COL14A1: variants seen among roughly 807,000 people sequenced by gnomAD.
The protein encoded by COL14A1 is collagen alpha-1(XIV) chain.
Under a neutral mutation model 230.3 loss-of-function variants are expected in COL14A1, and 136 were observed. That is an observed-to-expected ratio of 0.59 (90% CI 0.51 to 0.68). The LOEUF (loss-of-function observed/expected upper bound fraction) is 0.68. COL14A1 is among the 30% of genes least tolerant of loss of function. The pLI is 0.00. For synonymous variants in COL14A1, 792 were observed against 784.1 expected (o/e 1.01, Z -0.17); for missense variants, 1,976 against 2,215.8 (o/e 0.89, Z 2.17).
chr8:120,340,915 T>C (rs1822271563), intron 42 of COL14A1, among the ~76,000 whole-genome samples: 1 of 152,200 alleles, frequency 6.6e-6, no homozygotes. Context: ...GATATTCCTT[T>C]AAAAACTGAA....
rs534835229 is a variant in COL14A1 at position 120,170,264 on chromosome 8, A to G, written c.436+2017A>G. The stretch of plus-strand genomic sequence containing the variant: ...TTGAGTGTTTATCCCTTAATTTTTA[A>G]TTTTTCTTTTCTATTATATGCATTT... On this transcript the variant is annotated intron_variant, in intron 5 of 47. Coordinates refer to ENST00000297848, the MANE Select transcript of COL14A1 (RefSeq NM_021110.4). Among the ~76,000 whole-genome samples, 144 of 151,266 alleles carry G rather than the reference A, an allele frequency of 9.5e-4. 1 individual carries two copies. The highest frequency in any genetic ancestry group is 2.6e-3 in the Admixed American group (40 of 15,208).
chr8:120,286,628 G>C (rs186425512), intron 33 of COL14A1, among the ~76,000 whole-genome samples: 3 of 152,196 alleles, frequency 2.0e-5, no homozygotes, highest in Admixed American at 2.0e-4. Context: ...TCCTGCCTCA[G>C]CCTCCCGAGG....
rs12549939 is a variant in COL14A1, at chr8:120,188,408, C to A, written c.437-8383C>A. 9.0e-4 allele frequency among the ~76,000 whole-genome samples: 137 copies of A among 152,292 alleles called. 1 individual carries two copies. Among genetic ancestry groups the A allele is most frequent in the Admixed American group, 8.3e-3 (127 of 15,292 alleles). On this transcript the variant is annotated intron_variant, in intron 5 of 47. Coordinates refer to ENST00000297848, the MANE Select transcript of COL14A1 (RefSeq NM_021110.4). Reference sequence around the variant, plus strand: ...TAACATTTAATATAATAATGTACATCATTTCCAAATATGAAATGTTAAGAA... The same window carrying A: ...TAACATTTAATATAATAATGTACATAATTTCCAAATATGAAATGTTAAGAA...
At chr8:120,202,001 G>A (rs761026894) in intron 8 of COL14A1, among the ~76,000 whole-genome samples, 1 of 152,060 alleles carries the variant, frequency 6.6e-6, no homozygotes, top group Non-Finnish European at 1.5e-5. Context: ...AGCATTATTG[G>A]CACTGCTTCA....
chr8:120,203,010 ATATATATATATT>A (rs1817304251), intron 8 of COL14A1, among the ~76,000 whole-genome samples: 1 of 117,672 alleles, frequency 8.5e-6, no homozygotes, highest in Admixed American at 9.4e-5. Context: ...ATATATATAT[ATATATATATATT>A]TGTTCTAGCA....
intron 5 of COL14A1, among the ~76,000 whole-genome samples, chr8:120,183,062 C>A (rs1270857985): frequency 6.6e-6 from 1 of 152,002 alleles, no homozygotes; most frequent in East Asian, 1.9e-4. Context: ...ATAAAAGGAT[C>A]ACATATTTTC....
At chr8:120,224,022 C>CT (rs1563681445) in intron 14 of COL14A1, among the ~76,000 whole-genome samples, 32 of 48,614 alleles carry the variant, frequency 6.6e-4, no homozygotes, top group African/African-American at 2.4e-3. Context: ...GCCCTCATCT[C>CT]CTTTTTTTTT....
At chr8:120,168,914 G>T (rs748607731) in intron 5 of COL14A1, among the ~76,000 whole-genome samples, 2 of 152,084 alleles carry the variant, frequency 1.3e-5, no homozygotes, top group African/African-American at 2.4e-5. Flanking sequence ...AGAATTTAGT[G>T]TCACAATCTC....
chr8:120,291,983 A>G (rs1398884376), intron 34 of COL14A1, among the ~76,000 whole-genome samples: 2 of 152,194 alleles, frequency 1.3e-5, no homozygotes, highest in Non-Finnish European at 2.9e-5. Context: ...TTTGATAGAA[A>G]TTAAATAGAA....
chr8:120,153,404 C>G (rs973111909), intron 2 of COL14A1, among the ~76,000 whole-genome samples: 4 of 152,162 alleles, frequency 2.6e-5, no homozygotes. Context: ...AGGCTGGTCT[C>G]AAACTCCTGG....
chr8:120,243,831 G>T (rs1563692385), intron 19 of COL14A1, 48 bp from the exon 20 acceptor site: 2 of 1,599,530 alleles, frequency 1.3e-6, no homozygotes, highest in Non-Finnish European at 1.7e-6. Flanking sequence ...TACCAAATCA[G>T]TGGAAACGGG....
At position 120,262,921 on chromosome 8, in the gene COL14A1, T is replaced by C; in HGVS notation, c.2923T>C (p.Tyr975His). ...TGGAGGGACAACCAGGCATTGCTTC[T>C]ATGGACTTCAGCCTGATTCTGAATA... ...VGGGTTRHCFYGLQPDSEYKI... is the reference protein window; with the variant it reads ...VGGGTTRHCFHGLQPDSEYKI... The change falls in exon 24 of 48, where the codon TAT becomes CAT. Residue 975 changes from tyrosine to histidine, a missense_variant. By Grantham distance (83) the Tyr-to-His change is moderately conservative. Coordinates refer to ENST00000297848, the MANE Select transcript of COL14A1 (RefSeq NM_021110.4). 6.2e-7 allele frequency: 1 copy of C among 1,613,796 alleles called. No individual in the cohort carries two copies. The highest frequency in any genetic ancestry group is 8.5e-7 in the Non-Finnish European group (1 of 1,179,870).
At chr8:120,370,721 T>A in intron 47 of COL14A1, 1 of 1,400,502 alleles carries the variant, frequency 7.1e-7, no homozygotes, top group Non-Finnish European at 9.5e-7. Context: ...TCTTCCTCCT[T>A]CCTCTCCCCA....
At chr8:120,207,405 C>G (rs542473618) in intron 10 of COL14A1, among the ~76,000 whole-genome samples, 1 of 123,836 alleles carries the variant, frequency 8.1e-6, no homozygotes, top group Non-Finnish European at 1.6e-5. Context: ...GGCCAGGACC[C>G]CTTTTGCTAT....
intron 1 of COL14A1, among the ~76,000 whole-genome samples, chr8:120,130,734 A>G (rs1290338804): frequency 1.3e-5 from 2 of 152,148 alleles, no homozygotes; most frequent in Non-Finnish European, 2.9e-5. Flanking sequence ...TCCAACTTTT[A>G]TTTTAAGTTT....
chr8:120,200,715 TTATATATATA>T (rs34177030), intron 8 of COL14A1, among the ~76,000 whole-genome samples: 1,063 of 85,490 alleles, frequency 0.012, 13 homozygotes, highest in South Asian at 0.023. Context: ...GTTTTCCTAT[TTATATATATA>T]TATATATATA....
intron 1 of COL14A1, among the ~76,000 whole-genome samples, chr8:120,126,752 T>G (rs932657563): frequency 6.6e-6 from 1 of 152,166 alleles, no homozygotes; most frequent in Non-Finnish European, 1.5e-5. Context: ...GACAGCATGG[T>G]CCAGTCTGCA....
chr8:120,162,638 A>G (rs1406181881), intron 4 of COL14A1, 69 bp downstream of exon 4: 1 of 1,342,284 alleles, frequency 7.4e-7, no homozygotes, highest in Non-Finnish European at 1.0e-6. Context: ...AGTCTGTGAT[A>G]TATATTCTAC....
intron 13 of COL14A1, among the ~76,000 whole-genome samples, chr8:120,215,274 G>A (rs139902428): frequency 0.025 from 3,782 of 152,188 alleles, 124 homozygotes; most frequent in African/African-American, 0.08. Flanking sequence ...AGGAGGCTGA[G>A]GCATGAGAAT....
Sources: allele counts gnomAD v4.1 joint callset (sites outside exome capture counted in the v4.1 genomes callset), GRCh38; gene constraint gnomAD v4.1.1; transcripts MANE v1.5; gene names NCBI Gene and HGNC (gene_info 2026-07-23, HGNC 2026-07-21).